SHISA9: variants seen among roughly 807,000 people sequenced by gnomAD.
SHISA9 encodes protein shisa-9.
A neutral mutation model predicts 38.0 loss-of-function variants in SHISA9; 13 were observed. The ratio of observed to expected loss-of-function variants is 0.34; its 90% CI spans 0.22 to 0.54. The LOEUF (loss-of-function observed/expected upper bound fraction) is 0.54, where lower values mean the gene tolerates loss of function less well. Among genes scored for constraint, SHISA9 ranks in the 20% least tolerant of loss-of-function variants. The pLI is 0.91. For synonymous variants in SHISA9, 275 were observed against 242.0 expected, an observed-to-expected ratio of 1.14 and a Z score of -1.27; for missense variants, 538 against 575.8, an observed-to-expected ratio of 0.93 and a Z score of 0.67.
At chr16:13,112,428 A>G (rs2073988085) in intron 2 of SHISA9, among the ~76,000 whole-genome samples, 1 of 152,064 alleles carries the variant, frequency 6.6e-6, no homozygotes, top group Non-Finnish European at 1.5e-5. Context: ...TGCCAGCCAC[A>G]CTGTTGGAGT....
At chr16:13,005,414 G>C (rs543334226) in intron 2 of SHISA9, among the ~76,000 whole-genome samples, 2 of 152,158 alleles carry the variant, frequency 1.3e-5, no homozygotes, top group African/African-American at 4.8e-5. Flanking sequence ...AGGTCATCTT[G>C]CAAATACCGT....
chr16:13,326,380 A>C, the SHISA9 span, among the ~76,000 whole-genome samples: 6 of 152,232 alleles, frequency 3.9e-5, no homozygotes, highest in African/African-American at 1.4e-4. Context: ...ACACTGGAAT[A>C]AATGAAGGTC....
the SHISA9 span, among the ~76,000 whole-genome samples, chr16:13,485,679 G>C: frequency 6.6e-6 from 1 of 152,074 alleles, no homozygotes; most frequent in Admixed American, 6.6e-5. Flanking sequence ...TAGGTATTTT[G>C]AAATATACAA....
intron 2 of SHISA9, among the ~76,000 whole-genome samples, chr16:13,011,385 T>A (rs1277440619): frequency 1.4e-5 from 2 of 140,630 alleles, no homozygotes; most frequent in African/African-American, 5.2e-5. Flanking sequence ...CCCAATACAC[T>A]ACACTATTAG....
At chr16:13,473,008 A>G in the SHISA9 span, among the ~76,000 whole-genome samples, 14 of 152,162 alleles carry the variant, frequency 9.2e-5, no homozygotes, top group African/African-American at 2.9e-4. Flanking sequence ...ACTATGGGTC[A>G]TATTTTTCTG....
At chr16:13,030,409 T>C (rs2072976874) in intron 2 of SHISA9, among the ~76,000 whole-genome samples, 1 of 152,166 alleles carries the variant, frequency 6.6e-6, no homozygotes, top group South Asian at 2.1e-4. Context: ...TTCAACAGCA[T>C]TCCCAGGGGT....
chr16:13,427,590 C>T, the SHISA9 span, among the ~76,000 whole-genome samples: 1 of 151,954 alleles, frequency 6.6e-6, no homozygotes, highest in East Asian at 1.9e-4. Flanking sequence ...AAGGACATTC[C>T]AGGAAAAAGT....
At chr16:12,998,827 C>T (rs142858547) in intron 2 of SHISA9, among the ~76,000 whole-genome samples, 1,957 of 152,252 alleles carry the variant, frequency 0.013, 11 homozygotes, top group South Asian at 0.027. Context: ...CAACTCAGTG[C>T]TTACGTTGAT....
the SHISA9 span, among the ~76,000 whole-genome samples, chr16:13,469,685 A>T: frequency 3.7e-4 from 56 of 152,294 alleles, no homozygotes; most frequent in African/African-American, 1.3e-3. Context: ...GTGCATCCAG[A>T]ACATCTTCCT....
At chr16:13,361,159 T>A in the SHISA9 span, among the ~76,000 whole-genome samples, 1 of 152,214 alleles carries the variant, frequency 6.6e-6, no homozygotes, top group African/African-American at 2.4e-5. Flanking sequence ...TCCTCAAGAT[T>A]AAGAAGGTAC....
intron 2 of SHISA9, among the ~76,000 whole-genome samples, chr16:12,983,192 G>C (rs2072262956): frequency 6.6e-6 from 1 of 152,190 alleles, no homozygotes; most frequent in Non-Finnish European, 1.5e-5. Flanking sequence ...GAATATAATA[G>C]GCCCAGAGAG....
chr16:13,107,510 C>T (rs919219839), intron 2 of SHISA9, among the ~76,000 whole-genome samples: 4 of 124,754 alleles, frequency 3.2e-5, no homozygotes, highest in African/African-American at 1.2e-4. Context: ...CACACACACA[C>T]ACACAGAGTT....
At chr16:13,005,187 G>A (rs1022086668) in intron 2 of SHISA9, among the ~76,000 whole-genome samples, 1 of 152,140 alleles carries the variant, frequency 6.6e-6, no homozygotes, top group Admixed American at 6.5e-5. Flanking sequence ...TTGAGGTACT[G>A]TGAAGTTTGG....
the SHISA9 span, among the ~76,000 whole-genome samples, chr16:13,351,268 G>A: frequency 2.6e-5 from 4 of 152,052 alleles, no homozygotes; most frequent in African/African-American, 9.7e-5. Context: ...TGACCCAAAG[G>A]CCCCCAGACA....
chr16:13,284,894 C>G, the SHISA9 span, among the ~76,000 whole-genome samples: 1 of 152,180 alleles, frequency 6.6e-6, no homozygotes, highest in African/African-American at 2.4e-5. Context: ...CCACTGTGCC[C>G]AGTCTTTTTT....
chr16:12,977,037 A>G (rs1165947023), intron 2 of SHISA9, among the ~76,000 whole-genome samples: 3 of 152,154 alleles, frequency 2.0e-5, no homozygotes, highest in Admixed American at 6.5e-5. Context: ...TGCCTTGGAC[A>G]CTTTTCTTCC....
the SHISA9 span, among the ~76,000 whole-genome samples, chr16:13,293,205 A>G: frequency 6.6e-6 from 1 of 152,170 alleles, no homozygotes; most frequent in Non-Finnish European, 1.5e-5. Context: ...TTGTTTTGAA[A>G]CAATTTATTT....
At chr16:13,066,619 C>T (rs914340725) in intron 2 of SHISA9, among the ~76,000 whole-genome samples, 3 of 152,256 alleles carry the variant, frequency 2.0e-5, no homozygotes, top group African/African-American at 7.2e-5. Flanking sequence ...CATTCTTTAT[C>T]TGTAAAATGG....
At chr16:12,902,704 T>C in intron 1 of SHISA9, 77 bp downstream of exon 1, 1 of 1,368,560 alleles carries the variant, frequency 7.3e-7, no homozygotes, top group Admixed American at 2.6e-5. Context: ...CCCCAGGCAA[T>C]GGCGCTCCCC....
Sources: gnomAD v4.1 joint callset for allele counts (sites outside exome capture counted in the v4.1 genomes callset) on GRCh38, gnomAD v4.1.1 for gene constraint, MANE v1.5 for transcripts, NCBI Gene and HGNC (gene_info 2026-07-23, HGNC 2026-07-21) for gene names.